Variants in ZNF385B observed in about 807,000 individuals in gnomAD.
ZNF385B encodes zinc finger protein 385B.
ZNF385B carries 23 observed loss-of-function variants against 39.2 expected under a neutral mutation model. The observed-to-expected ratio is 0.59, with a 90% CI of 0.42 to 0.83. The LOEUF (loss-of-function observed/expected upper bound fraction) is 0.83. Ranked by LOEUF, ZNF385B falls within the 40% of genes least tolerant of loss-of-function variation. The pLI is 0.00. For missense variants in ZNF385B, 552 were observed against 598.9 expected, an observed-to-expected ratio of 0.92 and a Z score of 0.82; for synonymous variants, 205 against 222.6, an observed-to-expected ratio of 0.92 and a Z score of 0.70.
intron 1 of ZNF385B, among the ~76,000 whole-genome samples, chr2:179,799,379 C>G (rs912731551): frequency 1.3e-5 from 2 of 151,960 alleles, no homozygotes; most frequent in African/African-American, 2.4e-5. Flanking sequence ...TGTTGTATTC[C>G]TTTACATTAA....
At chr2:179,780,739 G>C (rs2106522892) in intron 1 of ZNF385B, among the ~76,000 whole-genome samples, 1 of 152,234 alleles carries the variant, frequency 6.6e-6, no homozygotes, top group Middle Eastern at 3.4e-3. Flanking sequence ...TATGTATTTA[G>C]AAAATCAAGT....
At chr2:179,704,145 A>G (rs186538898) in intron 3 of ZNF385B, among the ~76,000 whole-genome samples, 1 of 152,324 alleles carries the variant, frequency 6.6e-6, no homozygotes, top group Non-Finnish European at 1.5e-5. Context: ...AAATCCAGTG[A>G]TATGGAATTG....
intron 5 of ZNF385B, among the ~76,000 whole-genome samples, chr2:179,494,900 T>C (rs75182912): frequency 0.018 from 2,775 of 152,308 alleles, 83 homozygotes; most frequent in African/African-American, 0.062. Context: ...AGTTTTCTAA[T>C]TTTTTAAAGT....
intron 3 of ZNF385B, among the ~76,000 whole-genome samples, chr2:179,734,269 A>C (rs1377114716): frequency 2.0e-5 from 3 of 152,198 alleles, no homozygotes; most frequent in Non-Finnish European, 4.4e-5. Context: ...CTTTGTATAC[A>C]TATGCAAGTA....
At chr2:179,762,361 T>C (rs570961516) in intron 3 of ZNF385B, among the ~76,000 whole-genome samples, 97 of 152,240 alleles carry the variant, frequency 6.4e-4, no homozygotes, top group African/African-American at 2.1e-3. Flanking sequence ...AGCTAATTTT[T>C]TAATATTTTT....
rs146559979 is a variant in ZNF385B at position 179,567,060 on chromosome 2, C to T, written c.299-22091G>A. 3.8e-3 allele frequency among the ~76,000 whole-genome samples: 580 copies of T among 152,040 alleles called. 4 individuals carry two copies. The highest frequency in any genetic ancestry group is 0.013 in the African/African-American group (557 of 41,484). On this transcript the variant is annotated intron_variant, in intron 3 of 9. Coordinates refer to ENST00000410066, the MANE Select transcript of ZNF385B (RefSeq NM_152520.6). ...CCTCCCGAGTAGCTGAGATTACAGG[C>T]ACCAGCCACCACACCTGGCTAATTT...
intron 1 of ZNF385B, among the ~76,000 whole-genome samples, chr2:179,817,662 C>T (rs1440073791): frequency 8.1e-6 from 1 of 122,710 alleles, no homozygotes; most frequent in African/African-American, 3.3e-5. Flanking sequence ...TGTGTGTAAC[C>T]CTCTGTGTGT....
chr2:179,487,001 A>G (rs1029314419), intron 5 of ZNF385B, among the ~76,000 whole-genome samples: 1 of 152,266 alleles, frequency 6.6e-6, no homozygotes, highest in East Asian at 1.9e-4. Flanking sequence ...GACCTGCTAA[A>G]AACTCATCTT....
chr2:179,579,354 G>T (rs1201142663), intron 3 of ZNF385B, among the ~76,000 whole-genome samples: 2 of 151,924 alleles, frequency 1.3e-5, no homozygotes, highest in Non-Finnish European at 2.9e-5. Flanking sequence ...ACCAAACTCA[G>T]CTTCTTTTAT....
chr2:179,636,798 A>G (rs1691799504), intron 3 of ZNF385B, among the ~76,000 whole-genome samples: 1 of 152,168 alleles, frequency 6.6e-6, no homozygotes, highest in African/African-American at 2.4e-5. Context: ...CTGCATCCTC[A>G]GGAGTCCTCA....
At chr2:179,651,657 A>G (rs942720004) in intron 3 of ZNF385B, among the ~76,000 whole-genome samples, 1 of 152,176 alleles carries the variant, frequency 6.6e-6, no homozygotes, top group Non-Finnish European at 1.5e-5. Flanking sequence ...CCAAATTCCA[A>G]TAAGACAGTC....
At chr2:179,700,327 T>A (rs1373698091) in intron 3 of ZNF385B, among the ~76,000 whole-genome samples, 4 of 152,186 alleles carry the variant, frequency 2.6e-5, no homozygotes, top group African/African-American at 9.7e-5. Flanking sequence ...ATTCCATCGC[T>A]CGTATGGTAT....
chr2:179,612,629 G>A (rs1430476199), intron 3 of ZNF385B, among the ~76,000 whole-genome samples: 1 of 152,156 alleles, frequency 6.6e-6, no homozygotes, highest in East Asian at 1.9e-4. Context: ...GCTGGGGGAT[G>A]GGTGACACAA....
chr2:179,842,198 G>T (rs994440668), intron 1 of ZNF385B, among the ~76,000 whole-genome samples: 1 of 152,134 alleles, frequency 6.6e-6, no homozygotes, highest in African/African-American at 2.4e-5. Flanking sequence ...AAACACCCCT[G>T]GGATTAGTTC....
In ZNF385B at chr2:179,753,369, C is replaced by T. The variant is rs943868223; in HGVS notation, c.298+16134G>A. On this transcript the variant is annotated intron_variant, in intron 3 of 9. Transcript: ENST00000410066. ...TGTAGTATAGTTTGAAGTCAGGTAG[C>T]GTGATGCCTCCAGCTTTGCTCTTTT... Among the ~76,000 whole-genome samples the T allele has an allele frequency of 1.6e-4, 25 of 152,180 alleles. No homozygotes were observed. In the East Asian group the frequency reaches 2.5e-3, roughly 15 times the overall value.
intron 6 of ZNF385B, among the ~76,000 whole-genome samples, chr2:179,449,548 C>T (rs1031251137): frequency 6.6e-6 from 1 of 151,994 alleles, no homozygotes; most frequent in East Asian, 1.9e-4. Flanking sequence ...TTACAAGGGA[C>T]ATGAAGGACC....
At chr2:179,690,227 AGAGAACT>A (rs1239789425) in intron 3 of ZNF385B, among the ~76,000 whole-genome samples, 2 of 152,146 alleles carry the variant, frequency 1.3e-5, no homozygotes, top group African/African-American at 4.8e-5. Flanking sequence ...AAAAAAAGAG[AGAGAACT>A]GAGATACTGG....
chr2:179,522,261 A>G (rs781379505), intron 4 of ZNF385B, among the ~76,000 whole-genome samples: 2 of 152,198 alleles, frequency 1.3e-5, no homozygotes, highest in African/African-American at 2.4e-5. Context: ...AAAATTCTCA[A>G]TTTTTGTTCT....
chr2:179,453,636 G>T (rs2050377062), intron 6 of ZNF385B, among the ~76,000 whole-genome samples: 1 of 152,146 alleles, frequency 6.6e-6, no homozygotes, highest in Non-Finnish European at 1.5e-5. Flanking sequence ...AGGTAAGAAG[G>T]AGAAGAACCT....
Sources: allele counts gnomAD v4.1 joint callset (sites outside exome capture counted in the v4.1 genomes callset), GRCh38; gene constraint gnomAD v4.1.1; transcripts MANE v1.5; gene names NCBI Gene and HGNC (gene_info 2026-07-23, HGNC 2026-07-21).